UBXN8: variants seen among roughly 807,000 people sequenced by gnomAD.
UBXN8 encodes UBX domain protein 8, also known as UBX domain-containing protein 8.
In UBXN8, 27 loss-of-function variants were observed where a neutral mutation model predicts 32.1. The ratio of observed to expected loss-of-function variants is 0.84; its 90% CI spans 0.62 to 1.16. The LOEUF (loss-of-function observed/expected upper bound fraction) is 1.16. UBXN8 is among the 50% of genes most tolerant of loss of function. The probability of loss-of-function intolerance (pLI) is 0.00; values close to 1 mark genes in which losing one functional copy is unlikely to be tolerated. For synonymous variants in UBXN8, 109 were observed against 111.8 expected (o/e 0.98, Z 0.16); for missense variants, 306 against 311.4 (o/e 0.98, Z 0.13).
intron 6 of UBXN8, among the ~76,000 whole-genome samples, chr8:30,762,061 C>T (rs530556894): frequency 0.013 from 1,755 of 135,450 alleles, 15 homozygotes; most frequent in Non-Finnish European, 0.019. Context: ...CCTTGGAAAC[C>T]TTTTTTTTTT....
chr8:30,763,380 C>CT (rs1563566965), intron 7 of UBXN8, 33 bp downstream of exon 7: 6 of 1,600,472 alleles, frequency 3.7e-6, no homozygotes, highest in Non-Finnish European at 5.1e-6. Context: ...TGAGAAATAT[C>CT]TTTGTTGAAT....
intron 1 of UBXN8, among the ~76,000 whole-genome samples, chr8:30,750,064 A>G (rs992802050): frequency 2.0e-5 from 3 of 152,162 alleles, no homozygotes; most frequent in African/African-American, 7.2e-5. Context: ...TGCTCTGTAC[A>G]TTTGTTCTGG....
chr8:30,765,093 A>ATTT (rs1805963734), intron 7 of UBXN8, among the ~76,000 whole-genome samples: 10 of 152,046 alleles, frequency 6.6e-5, no homozygotes, highest in South Asian at 4.2e-4. Context: ...TATTTTTTTA[A>ATTT]AAATAGAACA....
rs529042134 is a variant in UBXN8 at position 30,765,837 on chromosome 8, G to A, written c.646-390G>A. On this transcript the variant is annotated intron_variant, in intron 7 of 7. Transcript: ENST00000265616. ...AGCCTGGCCAACATGGTGGAACCCC[G>A]TCTCTACTAAAAATACAAAAATTAG... 4.9e-4 allele frequency among the ~76,000 whole-genome samples: 75 copies of A among 151,834 alleles called. No individual in the cohort carries two copies. The South Asian group carries it at 0.015, about 31-fold the overall frequency.
chr8:30,741,195 G>A (rs1805191415), upstream of UBXN8, among the ~76,000 whole-genome samples: 1 of 152,126 alleles, frequency 6.6e-6, no homozygotes, highest in Admixed American at 6.6e-5. Context: ...AGACCAGCCT[G>A]AGCAACATGG....
chr8:30,733,741 G>A (rs1159186700), intron 1 of UBXN8: 1 of 152,276 alleles, frequency 6.6e-6, no homozygotes, highest in East Asian at 1.9e-4. Flanking sequence ...TCCTTTCCTA[G>A]GCTCAAGAGA....
intron 1 of UBXN8, among the ~76,000 whole-genome samples, chr8:30,749,058 T>A (rs113431575): frequency 6.6e-6 from 1 of 152,312 alleles, no homozygotes; most frequent in Non-Finnish European, 1.5e-5. Flanking sequence ...AGTAGGTAGT[T>A]AGATTTCTGC....
upstream of UBXN8, among the ~76,000 whole-genome samples, chr8:30,731,813 A>G (rs2343642): frequency 2.0e-4 from 31 of 152,170 alleles, no homozygotes; most frequent in Admixed American, 1.5e-3. Flanking sequence ...CATCTCAAGC[A>G]CCTAAGAACC....
At chr8:30,762,525 T>G (rs545302483) in intron 6 of UBXN8, among the ~76,000 whole-genome samples, 1 of 152,166 alleles carries the variant, frequency 6.6e-6, no homozygotes, top group Non-Finnish European at 1.5e-5. Flanking sequence ...CCTGAGTAGC[T>G]AAGACCACAG....
chr8:30,740,689 C>T (rs1446699123), upstream of UBXN8, among the ~76,000 whole-genome samples: 4 of 151,692 alleles, frequency 2.6e-5, no homozygotes, highest in East Asian at 5.9e-4. Context: ...TGTGCCACTG[C>T]ACTCCAGCCT....
intron 5 of UBXN8, among the ~76,000 whole-genome samples, chr8:30,760,443 A>ATATAT (rs1196366158): frequency 0.043 from 3,925 of 90,992 alleles, 134 homozygotes; most frequent in East Asian, 0.089. Flanking sequence ...ATATATATAT[A>ATATAT]TTTTTTTTTT....
At chr8:30,739,235 T>C (rs977798991), upstream of UBXN8, among the ~76,000 whole-genome samples, 5 of 150,696 alleles carry the variant, frequency 3.3e-5, no homozygotes, top group Admixed American at 6.7e-5. Context: ...ACACAGGTGA[T>C]AATATTGCAT....
intron 2 of UBXN8, among the ~76,000 whole-genome samples, chr8:30,752,678 C>T (rs1248863932): frequency 6.6e-6 from 1 of 152,110 alleles, no homozygotes; most frequent in Non-Finnish European, 1.5e-5. Context: ...TGTACTTAGC[C>T]TCAGAATAGG....
At chr8:30,752,943 T>G in intron 2 of UBXN8, 92 bp from the exon 3 acceptor site, 1 of 1,383,258 alleles carries the variant, frequency 7.2e-7, no homozygotes, top group Non-Finnish European at 9.5e-7. Context: ...GACTTTAGAT[T>G]TTTTTCTTTC....
rs1482233391 is a variant in UBXN8 at position 30,764,919 on chromosome 8, G to A, written c.646-1308G>A. ...ACAAAAATTAGCCGGACGTGGTGGT[G>A]CGTGCCTGTAGTCCCAGCTACTCAG... On this transcript the variant is annotated intron_variant, in intron 7 of 7. Coordinates refer to ENST00000265616, the MANE Select transcript of UBXN8 (RefSeq NM_005671.4). Among the ~76,000 whole-genome samples, 18 of 152,176 alleles carry A rather than the reference G, an allele frequency of 1.2e-4. No homozygotes were observed. In the East Asian group the frequency reaches 3.5e-3, roughly 30 times the overall value.
At chr8:30,744,135 G>A (rs1489281530), upstream of UBXN8, 10 of 1,566,810 alleles carry the variant, frequency 6.4e-6, no homozygotes, top group East Asian at 1.1e-4. Flanking sequence ...TTCCTTCCCG[G>A]AAAACGCGGC....
At chr8:30,738,143 A>G (rs1462491142) in intron 1 of UBXN8, among the ~76,000 whole-genome samples, 1 of 152,008 alleles carries the variant, frequency 6.6e-6, no homozygotes, top group African/African-American at 2.4e-5. Context: ...AAGAAAAGCA[A>G]AGGTTTCTTA....
At chr8:30,730,108 A>G (rs1256498456), upstream of UBXN8, among the ~76,000 whole-genome samples, 1 of 152,210 alleles carries the variant, frequency 6.6e-6, no homozygotes. Context: ...GTGCCTCCGC[A>G]AGACAAACAT....
At chr8:30,754,535 A>C (rs1805594986) in intron 3 of UBXN8, 130 bp from the exon 4 acceptor site, 1 of 1,292,710 alleles carries the variant, frequency 7.7e-7, no homozygotes, top group Admixed American at 2.4e-5. Context: ...CAAGCAGCCA[A>C]ACAGGGTGGC....
Sources: gnomAD v4.1 joint callset for allele counts (sites outside exome capture counted in the v4.1 genomes callset) on GRCh38, gnomAD v4.1.1 for gene constraint, MANE v1.5 for transcripts, NCBI Gene and HGNC (gene_info 2026-07-23, HGNC 2026-07-21) for gene names.